Variants in JPH2 observed in about 807,000 individuals in gnomAD.
The protein encoded by JPH2 is junctophilin 2, also known as junctophilin-2.
Under a neutral mutation model 55.9 loss-of-function variants are expected in JPH2, and 38 were observed. That is an observed-to-expected ratio of 0.68 (90% CI 0.52 to 0.89). JPH2 has a LOEUF of 0.89. JPH2 is among the 40% of genes least tolerant of loss of function. The probability of loss-of-function intolerance (pLI) is 0.00; values close to 1 mark genes in which losing one functional copy is unlikely to be tolerated. For synonymous variants in JPH2, 480 were observed against 472.4 expected, an observed-to-expected ratio of 1.02 and a Z score of -0.21; for missense variants, 964 against 1,037.6, an observed-to-expected ratio of 0.93 and a Z score of 0.97.
chr20:44,186,771 G>T lies in JPH2; in HGVS notation c.-66C>A. Reference sequence around the variant, plus strand: ...GGTGCAGAGGGCGTGGGTGATGCCTGCAACACTCCTCCAGTGCCCTCGGGG... The same window carrying T: ...GGTGCAGAGGGCGTGGGTGATGCCTTCAACACTCCTCCAGTGCCCTCGGGG... On this transcript the variant is annotated 5_prime_UTR_variant, in exon 1 of 6. Transcript: ENST00000372980. 6.7e-7 allele frequency: 1 copy of T among 1,495,752 alleles called. No homozygotes were observed. Among genetic ancestry groups the T allele is most frequent in the Non-Finnish European group, 9.2e-7 (1 of 1,087,326 alleles). The allele number at this position is 1,495,752 out of a possible 1,614,324, so 92.7% of individuals were successfully genotyped here.
intron 1 of JPH2, among the ~76,000 whole-genome samples, chr20:44,167,682 G>T (rs563568206): frequency 6.6e-6 from 1 of 152,276 alleles, no homozygotes; most frequent in East Asian, 1.9e-4. Context: ...GAATAACAGG[G>T]ATTTAAGTCT....
intron 2 of JPH2, among the ~76,000 whole-genome samples, chr20:44,131,949 C>G (rs1241659463): frequency 6.6e-6 from 1 of 152,194 alleles, no homozygotes; most frequent in Non-Finnish European, 1.5e-5. Flanking sequence ...TGCCAGCTGT[C>G]TGCTCTTACC....
chr20:44,173,466 C>T (rs191306748), intron 1 of JPH2, among the ~76,000 whole-genome samples: 61 of 152,192 alleles, frequency 4.0e-4, no homozygotes, highest in African/African-American at 1.4e-3. Context: ...GCCCCCTGCC[C>T]GCCAAACTAT....
rs1186392340 is a variant in JPH2, at chr20:44,134,763, TATAAAA to T, written c.1170-16146_1170-16141del. On this transcript the variant is annotated intron_variant, in intron 2 of 5. Coordinates refer to ENST00000372980, the MANE Select transcript of JPH2 (RefSeq NM_020433.5). The stretch of plus-strand genomic sequence containing the variant: ...TATAAAGATATATTTATTATAAATA[TATAAAA>T]ATATTTATAAATATACATAAATATA... Among the ~76,000 whole-genome samples the T allele has an allele frequency of 1.3e-3, 145 of 107,900 alleles. 6 individuals are homozygous for T. The highest frequency in any genetic ancestry group is 2.0e-3 in the Non-Finnish European group (113 of 57,914). 70.8% of individuals were successfully genotyped at this position (107,900 alleles called of 152,430 possible). A position where few individuals can be genotyped will look rare whatever the true frequency, so the allele number is the denominator to read the frequency against.
chr20:44,121,904 G>A (rs1205246955), intron 2 of JPH2, among the ~76,000 whole-genome samples: 1 of 152,104 alleles, frequency 6.6e-6, no homozygotes, highest in Non-Finnish European at 1.5e-5. Flanking sequence ...GAGGTCAGCG[G>A]GGGGATTGCT....
rs560073601 is a variant in JPH2, at chr20:44,183,555, G to A, written c.379+2772C>T. 8.3e-4 allele frequency among the ~76,000 whole-genome samples: 126 copies of A among 152,296 alleles called. 1 individual carries two copies. In the Middle Eastern group the frequency reaches 0.02, roughly 25 times the overall value. On this transcript the variant is annotated intron_variant, in intron 1 of 5. Transcript: ENST00000372980. Reference sequence around the variant, plus strand: ...TGCTCTCAACATGCCCAGGGGCCTCGGCTTCAGCAAACCTTGCTCCCTGGG... The same window carrying A: ...TGCTCTCAACATGCCCAGGGGCCTCAGCTTCAGCAAACCTTGCTCCCTGGG...
intron 1 of JPH2, among the ~76,000 whole-genome samples, chr20:44,176,150 C>G (rs1028719344): frequency 6.6e-6 from 1 of 152,174 alleles, no homozygotes; most frequent in East Asian, 1.9e-4. Context: ...ACCTCTGCTA[C>G]TACAAGGTAG....
In JPH2 at chr20:44,115,913, C is replaced by T; in HGVS notation, c.1762G>A (p.Glu588Lys). ...GGCGCGGACTCGGACCCGGAGACCT[C>T]GGGCTCGGGCTGGTCCTCAAAGGGT... ...PPPFEDQPEP[E>K]VSGSESAPSS... Residue 588 changes from glutamate to lysine, a missense_variant, in exon 4 of 6, where the codon GAG (glutamate) becomes AAG (lysine). Coordinates refer to ENST00000372980, the MANE Select transcript of JPH2 (RefSeq NM_020433.5). 1 of 1,570,300 alleles carries T rather than the reference C, an allele frequency of 6.4e-7. No homozygotes were observed. The highest frequency in any genetic ancestry group is 8.6e-7 in the Non-Finnish European group (1 of 1,164,476).
intron 2 of JPH2, among the ~76,000 whole-genome samples, chr20:44,140,613 C>T (rs747469535): frequency 2.0e-5 from 3 of 152,060 alleles, no homozygotes; most frequent in East Asian, 1.9e-4. Flanking sequence ...GCATTCCCAC[C>T]GCTGCCCCTC....
chr20:44,147,127 C>A (rs2072498737), intron 2 of JPH2, among the ~76,000 whole-genome samples: 1 of 152,098 alleles, frequency 6.6e-6, no homozygotes, highest in African/African-American at 2.4e-5. Context: ...CCAAATTGAC[C>A]AAATTGACAT....
At chr20:44,134,911 TAAAA>T (rs2072397677) in intron 2 of JPH2, among the ~76,000 whole-genome samples, 1 of 86,772 alleles carries the variant, frequency 1.2e-5, no homozygotes, top group African/African-American at 4.5e-5. Flanking sequence ...TATATATATA[TAAAA>T]TATATATATT....
Position 44,107,729 on chromosome 20 carries a change from T to C in JPH2, c.*5789A>G, listed in dbSNP as rs1479913888. ...ACTAATGCATGGATATAGAGATGAATCACAGATAGCCCCTCTCTTAAGGAA... is the reference window on the plus strand; with the variant it reads ...ACTAATGCATGGATATAGAGATGAACCACAGATAGCCCCTCTCTTAAGGAA... On this transcript the variant is annotated 3_prime_UTR_variant, in exon 6 of 6. Transcript: ENST00000372980. Among the ~76,000 whole-genome samples, 2 of 152,180 alleles carry C rather than the reference T, an allele frequency of 1.3e-5. No individual in the cohort carries two copies. Among genetic ancestry groups the C allele is most frequent in the Admixed American group, 6.5e-5 (1 of 15,268 alleles).
At position 44,115,829 on chromosome 20, in the gene JPH2, G is replaced by A. The variant is rs543276833; in HGVS notation, c.1846C>T (p.Arg616Cys). 2 of 1,599,864 alleles carry A rather than the reference G, an allele frequency of 1.3e-6. No homozygotes were observed. The highest frequency in any genetic ancestry group is 3.3e-5 in the Admixed American group (2 of 59,842). The change falls in exon 4 of 6, where the codon CGC becomes TGC. Residue 616 changes from arginine to cysteine, a missense_variant. Transcript: ENST00000372980. Reference sequence around the variant, plus strand: ...GGCTCCAGCTTGGCGGGGGTCTCGCGTGCAGGCTCGGGGCCTCGGAGCGTG... The same window carrying A: ...GGCTCCAGCTTGGCGGGGGTCTCGCATGCAGGCTCGGGGCCTCGGAGCGTG... ...APTLRGPEPA[R>C]ETPAKLEPKP...
In JPH2 at chr20:44,117,066, G is replaced by A. The variant is rs796514260; in HGVS notation, c.1289-680C>T. 3.3e-5 allele frequency among the ~76,000 whole-genome samples: 5 copies of A among 152,250 alleles called. No homozygotes were observed. In the South Asian group the frequency reaches 1.0e-3, roughly 32 times the overall value. ...GAGGCCGAGGCGCGCGGATCACAAG[G>A]TCAGGAGATCGAGACGATCCTGGCC... On this transcript the variant is annotated intron_variant, in intron 3 of 5. Coordinates refer to ENST00000372980, the MANE Select transcript of JPH2 (RefSeq NM_020433.5).
At chr20:44,149,113 A>G (rs1016111975) in intron 2 of JPH2, among the ~76,000 whole-genome samples, 3 of 150,094 alleles carry the variant, frequency 2.0e-5, no homozygotes, top group Non-Finnish European at 4.4e-5. Context: ...AAAAAAGAAC[A>G]CAAGAAGGAC....
Position 44,107,520 on chromosome 20 carries a change from C to G in JPH2, c.*5998G>C, listed in dbSNP as rs952974000. Among the ~76,000 whole-genome samples, 17 of 152,196 alleles carry G rather than the reference C, an allele frequency of 1.1e-4. No homozygotes were observed. Among genetic ancestry groups the G allele is most frequent in the African/African-American group, 3.4e-4 (14 of 41,446 alleles). Reference sequence around the variant, plus strand: ...TAGGAAGCAAATTCCATCCTCCATACTCTCTTTCCTTTTCCTTTGGCAGAT... The same window carrying G: ...TAGGAAGCAAATTCCATCCTCCATAGTCTCTTTCCTTTTCCTTTGGCAGAT... On this transcript the variant is annotated 3_prime_UTR_variant, in exon 6 of 6. Transcript: ENST00000372980.
rs141060487 is a variant in JPH2 at position 44,177,377 on chromosome 20, G to A, written c.379+8950C>T. The A allele has an allele frequency of 5.0e-4, 495 of 987,522 alleles. 6 individuals are homozygous for A. In the African/African-American group the frequency reaches 7.7e-3, roughly 15 times the overall value. 61.2% of individuals were successfully genotyped at this position (987,522 alleles called of 1,614,324 possible). ...GCTGGGCACGGAATTAGCAGGTCCC[G>A]GAAACAAGCAAGCTCGATGAATCCC... On this transcript the variant is annotated intron_variant, in intron 1 of 5. Coordinates refer to ENST00000372980, the MANE Select transcript of JPH2 (RefSeq NM_020433.5).
At chr20:44,184,188 T>C (rs1477015382) in intron 1 of JPH2, among the ~76,000 whole-genome samples, 1 of 152,094 alleles carries the variant, frequency 6.6e-6, no homozygotes, top group African/African-American at 2.4e-5. Flanking sequence ...AGTCAGATAG[T>C]AAATACTTTG....
chr20:44,117,286 CA>C (rs938156262), intron 3 of JPH2, among the ~76,000 whole-genome samples: 2 of 151,222 alleles, frequency 1.3e-5, no homozygotes, highest in African/African-American at 4.8e-5. Flanking sequence ...TCAAAAAAAA[CA>C]AAAAAACAAA....
Sources: gnomAD v4.1 joint callset for allele counts (sites outside exome capture counted in the v4.1 genomes callset) on GRCh38, gnomAD v4.1.1 for gene constraint, MANE v1.5 for transcripts, NCBI Gene and HGNC (gene_info 2026-07-23, HGNC 2026-07-21) for gene names.